SLC24A4: variants seen among roughly 807,000 people sequenced by gnomAD.
SLC24A4 encodes the protein sodium/potassium/calcium exchanger 4.
A neutral mutation model predicts 79.0 loss-of-function variants in SLC24A4; 53 were observed. The ratio of observed to expected loss-of-function variants is 0.67; its 90% CI spans 0.54 to 0.84. The LOEUF (loss-of-function observed/expected upper bound fraction) is 0.84. Ranked by LOEUF, SLC24A4 falls within the 40% of genes least tolerant of loss-of-function variation. The pLI is 0.00. For synonymous variants in SLC24A4, 323 were observed against 323.8 expected, an observed-to-expected ratio of 1.00 and a Z score of 0.03; for missense variants, 731 against 822.0, an observed-to-expected ratio of 0.89 and a Z score of 1.35.
chr14:92,427,768 G>A (rs761194112), intron 2 of SLC24A4, among the ~76,000 whole-genome samples: 1 of 152,216 alleles, frequency 6.6e-6, no homozygotes, highest in African/African-American at 2.4e-5. Flanking sequence ...AAGGAGCAGC[G>A]CTACGGTCTG....
chr14:92,357,477 G>A (rs960416031), intron 2 of SLC24A4, among the ~76,000 whole-genome samples: 5 of 152,224 alleles, frequency 3.3e-5, no homozygotes, highest in African/African-American at 9.6e-5. Context: ...TACATAAAAT[G>A]TGGAATATAC....
chr14:92,328,133 G>C (rs1885253654), intron 2 of SLC24A4, among the ~76,000 whole-genome samples: 1 of 152,204 alleles, frequency 6.6e-6, no homozygotes, highest in Non-Finnish European at 1.5e-5. Context: ...GTACTGCACA[G>C]CCCCCGGCTC....
intron 2 of SLC24A4, 80 bp from the exon 3 acceptor site, chr14:92,433,831 AG>A (rs1892011014): frequency 8.3e-7 from 1 of 1,198,582 alleles, no homozygotes; most frequent in Non-Finnish European, 1.2e-6. Context: ...GCAGTTCCTT[AG>A]TGAACTCTCA....
In SLC24A4 at chr14:92,410,341, G is replaced by C. The variant is rs182356123; in HGVS notation, c.242-23571G>C. On this transcript the variant is annotated intron_variant, in intron 2 of 16. Coordinates refer to ENST00000532405, the MANE Select transcript of SLC24A4 (RefSeq NM_153646.4). The stretch of plus-strand genomic sequence containing the variant: ...GGACTACAGGTGTGCCACCATGCCT[G>C]ACTAATTTTTAAATTTTTTGTAGAG... Among the ~76,000 whole-genome samples, 5 of 152,234 alleles carry C rather than the reference G, an allele frequency of 3.3e-5. No individual in the cohort carries two copies. The East Asian group carries it at 9.7e-4, about 29-fold the overall frequency.
rs1884885698 is a variant in SLC24A4 at position 92,323,168 on chromosome 14, C to G, written c.-663C>G. 6.6e-6 allele frequency: 1 copy of G among 152,064 alleles called. No individual in the cohort carries two copies. The highest frequency in any genetic ancestry group is 1.5e-5 in the Non-Finnish European group (1 of 68,032). The allele number at this position is 152,064 out of a possible 1,614,324, so 9.4% of individuals were successfully genotyped here. A position where few individuals can be genotyped will look rare whatever the true frequency, so the allele number is the denominator to read the frequency against. ...GCGGGAGGCGCCACGGCCTCTCAGA[C>G]GCTGGCGCCCGCAGCCGAGAAGCCA... On this transcript the variant is annotated 5_prime_UTR_variant, in exon 1 of 17. Transcript: ENST00000532405. This position sits in a 1 kb window ranked among gnomAD's most constrained non-coding sequence, Gnocchi z 4.9.
intron 3 of SLC24A4, among the ~76,000 whole-genome samples, chr14:92,434,553 T>C (rs1211635457): frequency 6.6e-6 from 1 of 152,124 alleles, no homozygotes; most frequent in Non-Finnish European, 1.5e-5. Context: ...AGTGATACTC[T>C]CTCCTCATGC....
chr14:92,406,845 G>A (rs1303562612), intron 2 of SLC24A4, among the ~76,000 whole-genome samples: 1 of 152,122 alleles, frequency 6.6e-6, no homozygotes, highest in Non-Finnish European at 1.5e-5. Flanking sequence ...CCATTGTCTT[G>A]GCTATTAACA....
chr14:92,414,401 A>G (rs1890875273), intron 2 of SLC24A4, among the ~76,000 whole-genome samples: 1 of 152,144 alleles, frequency 6.6e-6, no homozygotes, highest in African/African-American at 2.4e-5. Context: ...AGACTTGTTA[A>G]CTTTATTTGA....
chr14:92,409,476 C>A (rs1890587618), intron 2 of SLC24A4, among the ~76,000 whole-genome samples: 1 of 152,214 alleles, frequency 6.6e-6, no homozygotes, highest in Admixed American at 6.5e-5. Context: ...CTTTTGTGTT[C>A]AAGAGTTCCT....
chr14:92,444,786 C>T (rs973027956), intron 7 of SLC24A4, among the ~76,000 whole-genome samples: 6 of 151,978 alleles, frequency 3.9e-5, no homozygotes, highest in African/African-American at 1.2e-4. Context: ...ACCTGGGAGA[C>T]GGAGGTTGCA....
At chr14:92,458,924 T>C (rs1389793141) in intron 12 of SLC24A4, among the ~76,000 whole-genome samples, 1 of 152,086 alleles carries the variant, frequency 6.6e-6, no homozygotes, top group Non-Finnish European at 1.5e-5. Flanking sequence ...ACAGCCGAGC[T>C]TATGAGGGGT....
At chr14:92,392,298 A>G (rs1203593884) in intron 2 of SLC24A4, among the ~76,000 whole-genome samples, 1 of 151,654 alleles carries the variant, frequency 6.6e-6, no homozygotes, top group South Asian at 2.1e-4. Flanking sequence ...TTGAAAGAAA[A>G]GACGATAGCA....
At chr14:92,482,966 C>T (rs1363471614) in intron 13 of SLC24A4, 120 bp downstream of exon 13, 37 of 942,330 alleles carry the variant, frequency 3.9e-5, no homozygotes, top group Non-Finnish European at 5.8e-5. Flanking sequence ...GCCTCACTGA[C>T]CACAGCGTAT....
intron 13 of SLC24A4, among the ~76,000 whole-genome samples, chr14:92,485,988 C>T (rs1895333453): frequency 6.6e-6 from 1 of 152,200 alleles, no homozygotes; most frequent in South Asian, 2.1e-4. Flanking sequence ...GCAGTGTCCA[C>T]GTTAGCCTTG....
At chr14:92,403,141 G>A (rs1216081170) in intron 2 of SLC24A4, among the ~76,000 whole-genome samples, 1 of 152,250 alleles carries the variant, frequency 6.6e-6, no homozygotes, top group African/African-American at 2.4e-5. Flanking sequence ...TGAGGCAGAG[G>A]TGATGCATGG....
intron 10 of SLC24A4, chr14:92,453,653 C>T (rs541916354): frequency 4.6e-6 from 2 of 435,270 alleles, no homozygotes; most frequent in African/African-American, 2.1e-5. Flanking sequence ...CATCAATTGC[C>T]CACGAGTGGT....
intron 2 of SLC24A4, among the ~76,000 whole-genome samples, chr14:92,381,935 AC>A (rs1054207590): frequency 1.3e-5 from 2 of 152,098 alleles, no homozygotes; most frequent in African/African-American, 2.4e-5. Flanking sequence ...TTAATTCACC[AC>A]CTTTCAGAAA....
At chr14:92,364,875 A>G (rs72693197) in intron 2 of SLC24A4, among the ~76,000 whole-genome samples, 10,541 of 152,234 alleles carry the variant, frequency 0.069, 462 homozygotes, top group Admixed American at 0.093. Context: ...AGTGTTTGCT[A>G]AAGGAAGCTC....
rs1895826906 is a variant in SLC24A4, at chr14:92,493,695, C to T, written c.*67C>T. On this transcript the variant is annotated 3_prime_UTR_variant, in exon 17 of 17. Transcript: ENST00000532405. ...GACACTGGCGTTCTCCTCTCCCCTC[C>T]TTCCCCCACCACAGGTCTCTCCTGC... The T allele has an allele frequency of 1.9e-6, 3 of 1,546,134 alleles. No homozygotes were observed. Among genetic ancestry groups the T allele is most frequent in the Admixed American group, 3.6e-5 (2 of 55,932 alleles).
Sources: allele counts gnomAD v4.1 joint callset (sites outside exome capture counted in the v4.1 genomes callset), GRCh38; gene constraint gnomAD v4.1.1; non-coding constraint Gnocchi (gnomAD v3.1); transcripts MANE v1.5; gene names NCBI Gene and HGNC (gene_info 2026-07-23, HGNC 2026-07-21).